Variants in ARHGEF7 observed in about 807,000 individuals in gnomAD.
The protein encoded by ARHGEF7 is Rho guanine nucleotide exchange factor 7.
A neutral mutation model predicts 109.8 loss-of-function variants in ARHGEF7; 33 were observed. The ratio of observed to expected loss-of-function variants is 0.30; its 90% CI spans 0.23 to 0.40. The LOEUF is 0.40. Ranked by LOEUF, ARHGEF7 falls within the 10% of genes least tolerant of loss-of-function variation. The pLI is 1.00. For synonymous variants in ARHGEF7, 458 were observed against 424.6 expected (o/e 1.08, Z -0.97); for missense variants, 938 against 1,098.5 (o/e 0.85, Z 2.07).
At chr13:111,252,808 G>A (rs2089941723) in intron 8 of ARHGEF7, among the ~76,000 whole-genome samples, 1 of 152,260 alleles carries the variant, frequency 6.6e-6, no homozygotes, top group African/African-American at 2.4e-5. Context: ...TACACAACTG[G>A]TAACTGGGGC....
chr13:111,244,011 C>T (rs766404354), intron 7 of ARHGEF7, 45 bp downstream of exon 7: 3 of 1,463,556 alleles, frequency 2.0e-6, no homozygotes, highest in East Asian at 2.3e-5. Flanking sequence ...TAGTCTAAAC[C>T]TTAGGCTGTT....
At chr13:111,256,662 C>T (rs550127207) in intron 8 of ARHGEF7, among the ~76,000 whole-genome samples, 3 of 152,354 alleles carry the variant, frequency 2.0e-5, no homozygotes, top group African/African-American at 7.2e-5. Flanking sequence ...TCGTATTACC[C>T]ACCTGTTGAT....
At chr13:111,262,742 C>T (rs1226780396) in intron 8 of ARHGEF7, among the ~76,000 whole-genome samples, 4 of 152,118 alleles carry the variant, frequency 2.6e-5, no homozygotes, top group Non-Finnish European at 5.9e-5. Flanking sequence ...GAAAAAAAAC[C>T]CTTGGGTACC....
At chr13:111,201,918 C>T (rs1449575179) in intron 2 of ARHGEF7, among the ~76,000 whole-genome samples, 1 of 152,188 alleles carries the variant, frequency 6.6e-6, no homozygotes, top group East Asian at 1.9e-4. Flanking sequence ...TTTGAATACT[C>T]TGGGCTTCTT....
chr13:111,294,827 T>A (rs1441601589), intron 19 of ARHGEF7: 7 of 985,762 alleles, frequency 7.1e-6, no homozygotes, highest in Non-Finnish European at 8.4e-6. Context: ...AAGGTAGGTT[T>A]AAGCCATCAC....
chr13:111,276,062 C>T (rs576105436), intron 12 of ARHGEF7: 28 of 217,904 alleles, frequency 1.3e-4, no homozygotes, highest in Middle Eastern at 3.9e-3. Context: ...TCAATGCTTT[C>T]GGGTCATTAT....
At chr13:111,284,562 G>T (rs982900448) in intron 16 of ARHGEF7, among the ~76,000 whole-genome samples, 2 of 152,196 alleles carry the variant, frequency 1.3e-5, no homozygotes, top group African/African-American at 4.8e-5. Context: ...GAAGAAAATT[G>T]GGATAAAACT....
chr13:111,230,166 G>C (rs1029545862), intron 5 of ARHGEF7, among the ~76,000 whole-genome samples: 1 of 152,018 alleles, frequency 6.6e-6, no homozygotes, highest in African/African-American at 2.4e-5. Flanking sequence ...CATTTTTCGA[G>C]TTTATTTTAA....
intron 5 of ARHGEF7, among the ~76,000 whole-genome samples, chr13:111,219,848 C>T (rs2083598253): frequency 1.3e-5 from 2 of 151,988 alleles, no homozygotes; most frequent in South Asian, 4.2e-4. Flanking sequence ...TCCTCATAAC[C>T]CTTGAAGACA....
chr13:111,176,227 G>A lies in ARHGEF7; in HGVS notation c.252+22236G>A, dbSNP rs569498094. Among the ~76,000 whole-genome samples, 4 of 152,360 alleles carry A rather than the reference G, an allele frequency of 2.6e-5. No homozygotes were observed. In the South Asian group the frequency reaches 6.2e-4, roughly 24 times the overall value. ...GATTTTAGTCTAATGATGGCCAGAA[G>A]CTGCTGGAGGATTTTAAGCCTGATC... On this transcript the variant is annotated intron_variant, in intron 2 of 21. Transcript: ENST00000646102.
At chr13:111,224,088 C>G (rs1312148799) in intron 5 of ARHGEF7, among the ~76,000 whole-genome samples, 6 of 152,216 alleles carry the variant, frequency 3.9e-5, no homozygotes, top group Non-Finnish European at 7.3e-5. Flanking sequence ...AACACCTGAC[C>G]TTGTCATCTG....
rs187334435 is a variant in ARHGEF7, at chr13:111,219,637, G to A, written c.670+1757G>A. 1.9e-3 allele frequency among the ~76,000 whole-genome samples: 290 copies of A among 149,972 alleles called. 2 individuals are homozygous for A. The highest frequency in any genetic ancestry group is 1.7e-3 in the Non-Finnish European group (112 of 66,742). On this transcript the variant is annotated intron_variant, in intron 5 of 21. Transcript: ENST00000646102. ...AGGGTTCTGCTGCTTCTGTGTTCTC[G>A]CCAACTTGTTTTTTTTTTTCTTAAA...
intron 5 of ARHGEF7, among the ~76,000 whole-genome samples, chr13:111,224,315 G>C (rs973646232): frequency 6.6e-6 from 1 of 151,874 alleles, no homozygotes; most frequent in Non-Finnish European, 1.5e-5. Flanking sequence ...GGTGGTTGCT[G>C]TGATTGGATA....
intron 2 of ARHGEF7, among the ~76,000 whole-genome samples, chr13:111,169,448 G>A (rs934883616): frequency 7.2e-5 from 11 of 152,156 alleles, no homozygotes; most frequent in Admixed American, 2.0e-4. Context: ...GAGCAAGGGA[G>A]TGGGGAGGTG....
At chr13:111,291,451 T>A (rs1003337897) in intron 18 of ARHGEF7, among the ~76,000 whole-genome samples, 6 of 152,206 alleles carry the variant, frequency 3.9e-5, no homozygotes, top group African/African-American at 1.4e-4. Flanking sequence ...CGGGCTAAGC[T>A]CCAGCGCGCC....
At chr13:111,261,593 T>C (rs1284897138) in intron 8 of ARHGEF7, among the ~76,000 whole-genome samples, 2 of 152,202 alleles carry the variant, frequency 1.3e-5, no homozygotes, top group African/African-American at 4.8e-5. Context: ...ATCTGTACTT[T>C]AGAACAAATC....
chr13:111,267,413 G>T (rs2091749363), intron 8 of ARHGEF7, 135 bp from the exon 9 acceptor site: 15 of 1,166,114 alleles, frequency 1.3e-5, no homozygotes, highest in Non-Finnish European at 1.8e-5. Context: ...ATGTGTGCTG[G>T]GATCGGGGCC....
rs376852274 is a variant in ARHGEF7 at position 111,273,785 on chromosome 13, G to C, written c.1074-29G>C. ...ACCATTGTCTCTCATTGCTAACCAC[G>C]AGTGTCTCTCTTGCCACTTGCTGCC... On this transcript the variant is annotated intron_variant, in intron 9 of 21. Transcript: ENST00000646102. This position sits in a 1 kb window ranked among gnomAD's most constrained non-coding sequence, Gnocchi z 4.5. The C allele has an allele frequency of 3.1e-6, 5 of 1,612,638 alleles. No individual in the cohort carries two copies. In the African/African-American group the frequency reaches 6.7e-5, roughly 22 times the overall value.
At chr13:111,165,193 A>G (rs2077030961) in intron 2 of ARHGEF7, among the ~76,000 whole-genome samples, 1 of 152,208 alleles carries the variant, frequency 6.6e-6, no homozygotes, top group Admixed American at 6.5e-5. Flanking sequence ...GTTCCTTCAA[A>G]GCCTGAATTG....
Sources: gnomAD v4.1 joint callset for allele counts (sites outside exome capture counted in the v4.1 genomes callset) on GRCh38, gnomAD v4.1.1 for gene constraint, Gnocchi (gnomAD v3.1) non-coding constraint, MANE v1.5 for transcripts, NCBI Gene and HGNC (gene_info 2026-07-23, HGNC 2026-07-21) for gene names.